The following SNX29 variants were observed in gnomAD, a reference collection of about 807,000 sequenced individuals.
The protein encoded by SNX29 is sorting nexin 29, also known as sorting nexin-29.
In SNX29, 78 loss-of-function variants were observed where a neutral mutation model predicts 102.1. The observed-to-expected ratio is 0.76, with a 90% confidence interval of 0.64 to 0.92. The LOEUF (loss-of-function observed/expected upper bound fraction) is 0.92, where lower values mean the gene tolerates loss of function less well. Ranked by LOEUF, SNX29 falls within the 40% of genes least tolerant of loss-of-function variation. The pLI is 0.00. For synonymous variants in SNX29, 580 were observed against 414.5 expected, an observed-to-expected ratio of 1.40 and a Z score of -4.85; for missense variants, 1,280 against 1,061.7, an observed-to-expected ratio of 1.21 and a Z score of -2.86.
chr16:12,553,707 C>G (rs559568539), intron 20 of SNX29, among the ~76,000 whole-genome samples: 1 of 151,736 alleles, frequency 6.6e-6, no homozygotes, highest in East Asian at 1.9e-4. Flanking sequence ...TCTGCCTCAG[C>G]CTACCACGCA....
rs370683062 is a variant in SNX29, at chr16:12,517,393, T to C, written c.2179-7309T>C. Among the ~76,000 whole-genome samples, 3 of 152,308 alleles carry C rather than the reference T, an allele frequency of 2.0e-5. No individual in the cohort carries two copies. In the South Asian group the frequency reaches 6.2e-4, roughly 32 times the overall value. On this transcript the variant is annotated intron_variant, in intron 19 of 20. Coordinates refer to ENST00000566228, the MANE Select transcript of SNX29 (RefSeq NM_032167.5). ...GTGACAGATGGGGCCTCTGAAGGCCTAGTTCCCTGTCTTCACTCACTTGCT... is the reference window on the plus strand; with the variant it reads ...GTGACAGATGGGGCCTCTGAAGGCCCAGTTCCCTGTCTTCACTCACTTGCT...
intron 15 of SNX29, among the ~76,000 whole-genome samples, chr16:12,325,716 C>T (rs1386953412): frequency 6.6e-6 from 1 of 152,064 alleles, no homozygotes; most frequent in Non-Finnish European, 1.5e-5. Context: ...CTTATTTTAT[C>T]AGCGGGATTA....
rs1447360713 is a variant in SNX29, at chr16:12,571,694, C to G, written c.*3065C>G. The G allele has an allele frequency of 4.7e-6, 5 of 1,058,440 alleles. No homozygotes were observed. Among genetic ancestry groups the G allele is most frequent in the Non-Finnish European group, 5.7e-6 (5 of 875,034 alleles). The allele number at this position is 1,058,440 out of a possible 1,614,324, so 65.6% of individuals were successfully genotyped here. On this transcript the variant is annotated 3_prime_UTR_variant, in exon 21 of 21. Transcript: ENST00000566228. ...GGCAGAGGTGTCTCTCCTTGAGAGA[C>G]AACAAAAGCTTCTAAGGGAGGGAGC... is the stretch of plus-strand genomic sequence containing the variant.
intron 19 of SNX29, among the ~76,000 whole-genome samples, chr16:12,517,232 C>G (rs959716363): frequency 5.9e-5 from 9 of 152,162 alleles, no homozygotes; most frequent in Admixed American, 5.9e-4. Context: ...CCTGTGGCTT[C>G]TCATCTGAAT....
intron 15 of SNX29, among the ~76,000 whole-genome samples, chr16:12,336,231 C>G (rs963486374): frequency 2.6e-5 from 4 of 152,130 alleles, no homozygotes; most frequent in African/African-American, 9.7e-5. Context: ...AGGGAGAAAG[C>G]TTTGGTTTGG....
intron 14 of SNX29, among the ~76,000 whole-genome samples, chr16:12,234,478 A>T (rs2077865186): frequency 6.6e-6 from 1 of 151,586 alleles, no homozygotes; most frequent in Admixed American, 6.6e-5. Context: ...TATCAGAGAT[A>T]CGTGATTTGC....
At chr16:12,430,338 G>A (rs2085259362) in intron 18 of SNX29, among the ~76,000 whole-genome samples, 1 of 152,240 alleles carries the variant, frequency 6.6e-6, no homozygotes, top group South Asian at 2.1e-4. Flanking sequence ...TGGTTGTGAA[G>A]TGAAGGATAA....
chr16:12,262,382 A>T (rs1173083559), intron 14 of SNX29, among the ~76,000 whole-genome samples: 1 of 151,932 alleles, frequency 6.6e-6, no homozygotes, highest in Non-Finnish European at 1.5e-5. Context: ...ATCCCCTTTG[A>T]CTCAGCAGCT....
At chr16:12,232,989 A>C (rs1322542273) in intron 14 of SNX29, among the ~76,000 whole-genome samples, 3 of 152,190 alleles carry the variant, frequency 2.0e-5, no homozygotes, top group Non-Finnish European at 4.4e-5. Flanking sequence ...GTCTTGGGAG[A>C]CTGAAACCCT....
At chr16:12,160,311 T>C (rs998998392) in intron 13 of SNX29, among the ~76,000 whole-genome samples, 7 of 152,210 alleles carry the variant, frequency 4.6e-5, no homozygotes, top group Non-Finnish European at 8.8e-5. Context: ...TGAGGAATCT[T>C]CATTTTAGTT....
intron 18 of SNX29, among the ~76,000 whole-genome samples, chr16:12,430,847 G>T (rs112927221): frequency 6.7e-6 from 1 of 149,250 alleles, no homozygotes; most frequent in Non-Finnish European, 1.5e-5. Flanking sequence ...GATTCTTGAC[G>T]CAGTCTTTTT....
At chr16:12,384,847 G>A (rs2083290099) in intron 16 of SNX29, among the ~76,000 whole-genome samples, 1 of 152,204 alleles carries the variant, frequency 6.6e-6, no homozygotes, top group South Asian at 2.1e-4. Context: ...TCCATGCAGT[G>A]TAGGCGGTGG....
At chr16:12,303,453 A>G (rs181862290) in intron 15 of SNX29, among the ~76,000 whole-genome samples, 138 of 152,386 alleles carry the variant, frequency 9.1e-4, no homozygotes, top group African/African-American at 3.1e-3. Context: ...GATGGATCTA[A>G]TGAAAATTGT....
chr16:12,570,365 A>C lies in SNX29; in HGVS notation c.*1736A>C. On this transcript the variant is annotated 3_prime_UTR_variant, in exon 21 of 21. Transcript: ENST00000566228. Reference sequence around the variant, plus strand: ...ACTCACCTGCCAACATTGCTGCAATACACATGGTTTATCTGAAATTCCAAG... The same window carrying C: ...ACTCACCTGCCAACATTGCTGCAATCCACATGGTTTATCTGAAATTCCAAG... 1 of 481,254 alleles carries C rather than the reference A, an allele frequency of 2.1e-6. No individual in the cohort carries two copies. Among genetic ancestry groups the C allele is most frequent in the Non-Finnish European group, 2.9e-6 (1 of 344,572 alleles). The allele number at this position is 481,254 out of a possible 1,614,324, so 29.8% of individuals were successfully genotyped here.
intron 16 of SNX29, among the ~76,000 whole-genome samples, chr16:12,395,580 T>G (rs2083688537): frequency 6.6e-6 from 1 of 152,170 alleles, no homozygotes; most frequent in Admixed American, 6.5e-5. Context: ...TGAGCTGCCT[T>G]CTCTGCAGGG....
At chr16:12,211,211 G>A (rs1216372657) in intron 14 of SNX29, among the ~76,000 whole-genome samples, 1 of 152,122 alleles carries the variant, frequency 6.6e-6, no homozygotes, top group Non-Finnish European at 1.5e-5. Context: ...TATACTTCAG[G>A]CCCAAGGAGA....
At position 12,096,542 on chromosome 16, in the gene SNX29, A is replaced by C. The variant is rs1431320488; in HGVS notation, c.1402+17627A>C. ...TGCTTTGACATTGCGCTCAGCACTC[A>C]GGAGATGTTAGCTCTTCTCACATGG... On this transcript the variant is annotated intron_variant, in intron 11 of 20. Transcript: ENST00000566228. The surrounding 1 kb of genome is among the most constrained non-coding windows in gnomAD (Gnocchi z 4.2). Among the ~76,000 whole-genome samples, 1 of 152,228 alleles carries C rather than the reference A, an allele frequency of 6.6e-6. No homozygotes were observed. The highest frequency in any genetic ancestry group is 1.5e-5 in the Non-Finnish European group (1 of 68,040).
intron 11 of SNX29, among the ~76,000 whole-genome samples, chr16:12,125,397 A>G (rs2054160850): frequency 6.6e-6 from 1 of 152,062 alleles, no homozygotes; most frequent in East Asian, 1.9e-4. Context: ...TGCACTTGTG[A>G]TATCAGTCAT....
At chr16:12,004,964 G>C (rs1427731792) in intron 3 of SNX29, among the ~76,000 whole-genome samples, 1 of 152,188 alleles carries the variant, frequency 6.6e-6, no homozygotes, top group Admixed American at 6.5e-5. Context: ...TGTTTCTCTA[G>C]TGCCTAGAAG....
Sources: allele counts gnomAD v4.1 joint callset (sites outside exome capture counted in the v4.1 genomes callset), GRCh38; gene constraint gnomAD v4.1.1; non-coding constraint Gnocchi (gnomAD v3.1); transcripts MANE v1.5; gene names NCBI Gene and HGNC (gene_info 2026-07-23, HGNC 2026-07-21).